COL6A3: variants seen among roughly 807,000 people sequenced by gnomAD.
The protein encoded by COL6A3 is collagen alpha-3(VI) chain.
Under a neutral mutation model 274.1 loss-of-function variants are expected in COL6A3, and 137 were observed. The ratio of observed to expected loss-of-function variants is 0.50; its 90% CI spans 0.44 to 0.58. The LOEUF is 0.58. Among genes scored for constraint, COL6A3 ranks in the 20% least tolerant of loss-of-function variants. The probability of loss-of-function intolerance (pLI) is 0.00; values close to 1 mark genes in which losing one functional copy is unlikely to be tolerated. For synonymous variants in COL6A3, 1,650 were observed against 1,650.6 expected (o/e 1.00, Z 0.01); for missense variants, 3,950 against 4,124.9 (o/e 0.96, Z 1.16).
intron 28 of COL6A3, among the ~76,000 whole-genome samples, chr2:237,349,255 G>T (rs549779863): frequency 3.3e-5 from 5 of 152,228 alleles, no homozygotes; most frequent in African/African-American, 1.2e-4. Flanking sequence ...AGAAGAACGT[G>T]TGTGAATTGT....
At position 237,351,270 on chromosome 2, in the gene COL6A3, C is replaced by T. The variant is rs571751051; in HGVS notation, c.6754-78G>A. 1.1e-5 allele frequency: 16 copies of T among 1,407,146 alleles called. 1 individual carries two copies. In the South Asian group the frequency reaches 1.3e-4, roughly 11 times the overall value. 87.2% of individuals were successfully genotyped at this position (1,407,146 alleles called of 1,614,324 possible). On this transcript the variant is annotated intron_variant, in intron 26 of 43. Coordinates refer to ENST00000295550, the MANE Select transcript of COL6A3 (RefSeq NM_004369.4). Reference sequence around the variant, plus strand: ...ATTGGTCTCTGAAACCTGACTCTCCCCTGCATGGAAGTCAGAGCCCGCCAG... The same window carrying T: ...ATTGGTCTCTGAAACCTGACTCTCCTCTGCATGGAAGTCAGAGCCCGCCAG...
In COL6A3 at chr2:237,358,531, C is replaced by A. The variant is rs145561490; in HGVS notation, c.6461G>T (p.Arg2154Leu). 6 of 1,613,988 alleles carry A rather than the reference C, an allele frequency of 3.7e-6. No homozygotes were observed. In the Admixed American group the frequency reaches 6.7e-5, roughly 18 times the overall value. The change falls in exon 21 of 44, where the codon CGA (arginine) becomes CTA (leucine). Residue 2154 changes from arginine (R) to leucine (L), a missense_variant. This residue lies in a region of COL6A3 where 1,284 missense variants were observed against 1,349.7 expected (regional missense o/e 0.95). Coordinates refer to ENST00000295550, the MANE Select transcript of COL6A3 (RefSeq NM_004369.4). ...EKGERGDVGI[R>L]GDPGNPGQDS... ...TAAAGAAATCTTTACCGGGTCCCCT[C>A]GAATCCCAACATCTCCTCTTTCTCC...
chr2:237,351,952 T>C (rs1465108859), intron 26 of COL6A3, among the ~76,000 whole-genome samples: 9 of 152,224 alleles, frequency 5.9e-5, no homozygotes, highest in Admixed American at 5.9e-4. Flanking sequence ...GATGCCTCCC[T>C]CAATATCATC....
intron 24 of COL6A3, 55 bp from the exon 25 acceptor site, chr2:237,353,458 G>T: frequency 6.8e-7 from 1 of 1,467,708 alleles, no homozygotes. Context: ...GTCAATGTCA[G>T]CTCTTTGCTC....
rs2077048605 is a variant in COL6A3 at position 237,344,106 on chromosome 2, A to G, written c.7668+244T>C. 2 of 602,184 alleles carry G rather than the reference A, an allele frequency of 3.3e-6. No homozygotes were observed. Among genetic ancestry groups the G allele is most frequent in the Admixed American group, 5.5e-5 (2 of 36,564 alleles). The allele number at this position is 602,184 out of a possible 1,614,324, so 37.3% of individuals were successfully genotyped here. A position where few individuals can be genotyped will look rare whatever the true frequency, so the allele number is the denominator to read the frequency against. On this transcript the variant is annotated intron_variant, in intron 36 of 43. Coordinates refer to ENST00000295550, the MANE Select transcript of COL6A3 (RefSeq NM_004369.4). This position sits in a 1 kb window ranked among gnomAD's most constrained non-coding sequence, Gnocchi z 4.8. ...CCAACACTAGCATCACTAACCGGCAAGAGCTGTCAACATGTGAGGAGGGAC... is the reference window on the plus strand; with the variant it reads ...CCAACACTAGCATCACTAACCGGCAGGAGCTGTCAACATGTGAGGAGGGAC...
chr2:237,353,191 T>C, intron 25 of COL6A3, 150 bp downstream of exon 25: 1 of 769,012 alleles, frequency 1.3e-6, no homozygotes, highest in Non-Finnish European at 2.2e-6. Flanking sequence ...TAGATAGAGG[T>C]GATGATTGCA....
rs752905591 is a variant in COL6A3 at position 237,364,390 on chromosome 2, C to G, written c.5877G>C (p.Leu1959=). The part of the protein sequence containing the change: ...IHFTDGADGD[L]ADLHRASENL... ...TCTCAGATGCTCTGTGTAAATCAGCCAGATCTCCGTCTGCTCCATCAGTAA... is the reference window on the plus strand; with the variant it reads ...TCTCAGATGCTCTGTGTAAATCAGCGAGATCTCCGTCTGCTCCATCAGTAA... Residue 1959 remains leucine (L), a synonymous_variant, in exon 13 of 44, where the codon CTG becomes CTC. Coordinates refer to ENST00000295550, the MANE Select transcript of COL6A3 (RefSeq NM_004369.4). This position sits in a 1 kb window ranked among gnomAD's most constrained non-coding sequence, Gnocchi z 4.6. 8 of 1,614,068 alleles carry G rather than the reference C, an allele frequency of 5.0e-6. No individual in the cohort carries two copies. Among genetic ancestry groups the G allele is most frequent in the East Asian group, 2.2e-5 (1 of 44,880 alleles).
chr2:237,364,856 G>T lies in COL6A3; in HGVS notation c.5839-428C>A, dbSNP rs2077515548. On this transcript the variant is annotated intron_variant, in intron 12 of 43. Coordinates refer to ENST00000295550, the MANE Select transcript of COL6A3 (RefSeq NM_004369.4). This position sits in a 1 kb window ranked among gnomAD's most constrained non-coding sequence, Gnocchi z 4.6. ...GGGTGTGTGGGTGTACATGTGTGTG[G>T]GTGCGTATGTGTGTGCATGTGTATG... Among the ~76,000 whole-genome samples the T allele has an allele frequency of 6.8e-6, 1 of 147,370 alleles. No homozygotes were observed. Among genetic ancestry groups the T allele is most frequent in the Non-Finnish European group, 1.5e-5 (1 of 66,648 alleles).
chr2:237,344,365 G>T lies in COL6A3; in HGVS notation c.7653C>A (p.Leu2551=), dbSNP rs1432246805. 1 of 1,614,196 alleles carries T rather than the reference G, an allele frequency of 6.2e-7. No homozygotes were observed. Among genetic ancestry groups the T allele is most frequent in the Non-Finnish European group, 8.5e-7 (1 of 1,180,044 alleles). ...GAGCACAGACCTGCAAAGCGTTGAT[G>T]AGCTGCCGGTCTTCCTGCCTTGTAA... ...LFLTRQEDRQ[L]INALQINNTA... The change falls in exon 36 of 44, where the codon CTC becomes CTA. Residue 2551 remains leucine (L), a synonymous_variant. Transcript: ENST00000295550. This position sits in a 1 kb window ranked among gnomAD's most constrained non-coding sequence, Gnocchi z 4.8.
At chr2:237,377,468 C>T (rs992168017) in intron 6 of COL6A3, 124 bp from the exon 7 acceptor site, 45 of 942,966 alleles carry the variant, frequency 4.8e-5, no homozygotes, top group Non-Finnish European at 6.4e-5. Context: ...ACTGTGCCAG[C>T]AAGAGAAGAG....
intron 27 of COL6A3, among the ~76,000 whole-genome samples, chr2:237,350,849 G>A (rs2077191596): frequency 6.6e-6 from 1 of 152,250 alleles, no homozygotes; most frequent in Non-Finnish European, 1.5e-5. Flanking sequence ...AGCCAAGCAA[G>A]AGAGGAGCAG....
intron 11 of COL6A3, 40 bp from the exon 12 acceptor site, chr2:237,366,075 GC>G: frequency 5.1e-6 from 8 of 1,582,878 alleles, no homozygotes; most frequent in Non-Finnish European, 6.9e-6. Flanking sequence ...CTCAGCTGGG[GC>G]TGAGGAGACG....
chr2:237,361,591 C>A lies in COL6A3; in HGVS notation c.6156+148G>T. 1 of 816,220 alleles carries A rather than the reference C, an allele frequency of 1.2e-6. No individual in the cohort carries two copies. Among genetic ancestry groups the A allele is most frequent in the African/African-American group, 1.7e-5 (1 of 59,650 alleles). The allele number at this position is 816,220 out of a possible 1,614,324, so 50.6% of individuals were successfully genotyped here. A position where few individuals can be genotyped will look rare whatever the true frequency, so the allele number is the denominator to read the frequency against. On this transcript the variant is annotated intron_variant, in intron 15 of 43. Coordinates refer to ENST00000295550, the MANE Select transcript of COL6A3 (RefSeq NM_004369.4). The surrounding 1 kb of genome is among the most constrained non-coding windows in gnomAD (Gnocchi z 5.1). ...CAGCAGAACAGCACGCAGGTCTGCCCCTCAGAGCTCCTCCTTCTAACATAA... is the reference window on the plus strand; with the variant it reads ...CAGCAGAACAGCACGCAGGTCTGCCACTCAGAGCTCCTCCTTCTAACATAA...
At chr2:237,343,389 C>T (rs965801667) in intron 36 of COL6A3, 1 of 150,406 alleles carries the variant, frequency 6.6e-6, no homozygotes, top group Admixed American at 6.6e-5. Context: ...GTGGCGAGTG[C>T]CTGTAATCCC....
chr2:237,369,011 G>T lies in COL6A3; in HGVS notation c.4452C>A (p.Val1484=). The change falls in exon 10 of 44, where the codon GTC becomes GTA. Residue 1484 remains valine (V), a synonymous_variant. Coordinates refer to ENST00000295550, the MANE Select transcript of COL6A3 (RefSeq NM_004369.4). ...RVGVVQFSND[V]FPEFYLKTYR... is the part of the protein sequence containing the mutation. ...AGGTTTTCAGATAGAATTCTGGGAAGACATCATTGCTGAACTGCACGACCC... is the reference window on the plus strand; with the variant it reads ...AGGTTTTCAGATAGAATTCTGGGAATACATCATTGCTGAACTGCACGACCC... 6.2e-7 allele frequency: 1 copy of T among 1,614,228 alleles called. No individual in the cohort carries two copies. The highest frequency in any genetic ancestry group is 1.1e-5 in the South Asian group (1 of 91,080).
rs2076928752 is a variant in COL6A3, at chr2:237,339,053, T to C, written c.8529A>G (p.Gln2843=). ...RKQCDWFQGD[Q]PTKNLVKFGH... is the part of the protein sequence containing the mutation. The stretch of plus-strand genomic sequence containing the variant: ...CAAACTTCACAAGGTTCTTTGTGGG[T>C]TGGTCCCCTTGGAACCAATCACACT... Residue 2843 remains glutamine (Q), a synonymous_variant, in exon 39 of 44, where the codon CAA becomes CAG. Transcript: ENST00000295550. 1.2e-6 allele frequency: 2 copies of C among 1,614,110 alleles called. No individual in the cohort carries two copies. The highest frequency in any genetic ancestry group is 2.7e-5 in the African/African-American group (2 of 75,040).
At chr2:237,387,474 C>A in intron 4 of COL6A3, 108 bp downstream of exon 4, 1 of 1,544,192 alleles carries the variant, frequency 6.5e-7, no homozygotes, top group Non-Finnish European at 8.9e-7. Context: ...ACTGTGGGTA[C>A]TTACAGCTTC....
At chr2:237,412,029 G>A (rs1022590229) in intron 1 of COL6A3, among the ~76,000 whole-genome samples, 1 of 152,212 alleles carries the variant, frequency 6.6e-6, no homozygotes, top group African/African-American at 2.4e-5. Context: ...TCCACTCAGT[G>A]TCTGCTTCCT....
At chr2:237,325,181 A>C (rs954272567) in intron 43 of COL6A3, among the ~76,000 whole-genome samples, 1 of 152,232 alleles carries the variant, frequency 6.6e-6, no homozygotes, top group Non-Finnish European at 1.5e-5. Flanking sequence ...GGATGGCCCC[A>C]GTGACAACAT....
Sources: gnomAD v4.1 joint callset for allele counts (sites outside exome capture counted in the v4.1 genomes callset) on GRCh38, gnomAD v4.1.1 for gene constraint, gnomAD v4.1.1 regional missense constraint, Gnocchi (gnomAD v3.1) non-coding constraint, MANE v1.5 for transcripts, NCBI Gene and HGNC (gene_info 2026-07-23, HGNC 2026-07-21) for gene names.